Variants in CREB5 observed in about 807,000 individuals in gnomAD.
The protein encoded by CREB5 is cAMP responsive element binding protein 5, also known as cyclic AMP-responsive element-binding protein 5.
In CREB5, 19 loss-of-function variants were observed where a neutral mutation model predicts 57.1. That is an observed-to-expected ratio of 0.33 (90% confidence interval 0.23 to 0.49). CREB5 has a LOEUF of 0.49. Among genes scored for constraint, CREB5 ranks in the 20% least tolerant of loss-of-function variants. The pLI is 0.99. For missense variants in CREB5, 579 were observed against 671.6 expected, an observed-to-expected ratio of 0.86 and a Z score of 1.52; for synonymous variants, 238 against 238.3, an observed-to-expected ratio of 1.00 and a Z score of 0.01.
intron 3 of CREB5, among the ~76,000 whole-genome samples, chr7:28,498,253 CA>C (rs1444384019): frequency 2.2e-4 from 34 of 151,986 alleles, no homozygotes; most frequent in African/African-American, 7.2e-4. Context: ...ATCAAAATAT[CA>C]GGGTAAAAAT....
chr7:28,548,303 T>G (rs1313503962), intron 4 of CREB5, among the ~76,000 whole-genome samples: 1 of 152,188 alleles, frequency 6.6e-6, no homozygotes, highest in Non-Finnish European at 1.5e-5. Context: ...AAATGCATGA[T>G]GTCCCAGTAG....
intron 4 of CREB5, among the ~76,000 whole-genome samples, chr7:28,547,385 C>T (rs140520295): frequency 4.6e-5 from 7 of 152,196 alleles, no homozygotes; most frequent in East Asian, 1.9e-4. Context: ...CATCTCTTCA[C>T]GGATACAAAA....
Position 28,514,422 on chromosome 7 carries a change from G to A in CREB5, c.291+6685G>A, listed in dbSNP as rs546233029. Among the ~76,000 whole-genome samples, 40 of 152,122 alleles carry A rather than the reference G, an allele frequency of 2.6e-4. No homozygotes were observed. In the South Asian group the frequency reaches 8.1e-3, roughly 31 times the overall value. On this transcript the variant is annotated intron_variant, in intron 4 of 10. Transcript: ENST00000357727. ...TTATTTTTTATTTTTTGGAGATAGA[G>A]TCTTACTCTGTGGCCCAGGCTGGAG...
intron 5 of CREB5, among the ~76,000 whole-genome samples, chr7:28,636,357 C>G (rs939267755): frequency 6.6e-6 from 1 of 152,114 alleles, no homozygotes; most frequent in African/African-American, 2.4e-5. Context: ...TATCATCACA[C>G]ATGAAAAGAT....
At chr7:28,610,997 T>C (rs528647266) in intron 5 of CREB5, among the ~76,000 whole-genome samples, 4 of 150,680 alleles carry the variant, frequency 2.7e-5, no homozygotes, top group Non-Finnish European at 4.4e-5. Context: ...AGTCCCCAGC[T>C]TTTCCCTATT....
intron 5 of CREB5, among the ~76,000 whole-genome samples, chr7:28,664,170 AT>A (rs1730515006): frequency 2.6e-5 from 4 of 152,142 alleles, no homozygotes; most frequent in Non-Finnish European, 5.9e-5. Flanking sequence ...GGCTTCTAAC[AT>A]CTCTCTTTCT....
intron 1 of CREB5, among the ~76,000 whole-genome samples, chr7:28,354,561 C>G (rs75174753): frequency 0.25 from 37,309 of 151,984 alleles, 4,726 homozygotes; most frequent in African/African-American, 0.26. Context: ...ATATGTATCT[C>G]TCTATACTAT....
chr7:28,561,912 T>C (rs911249584), intron 4 of CREB5, among the ~76,000 whole-genome samples: 2 of 152,162 alleles, frequency 1.3e-5, no homozygotes, highest in Non-Finnish European at 2.9e-5. Flanking sequence ...GCCCAGCTAA[T>C]TTTTGTATTT....
At position 28,560,963 on chromosome 7, in the gene CREB5, T is replaced by TGCGTGC. The variant is rs1194418363; in HGVS notation, c.292-9401_292-9400insCGTGCG. ...GTGCGTGTGTGTGCGTGTGTGTGCG[T>TGCGTGC]GTGTGTGTGCGTGTGTGCGTGCGTG... On this transcript the variant is annotated intron_variant, in intron 4 of 10. Transcript: ENST00000357727. Among the ~76,000 whole-genome samples the TGCGTGC allele has an allele frequency of 2.3e-3, 112 of 48,140 alleles. 4 individuals carry two copies. The highest frequency in any genetic ancestry group is 8.8e-3 in the African/African-American group (101 of 11,480). The allele number at this position is 48,140 out of a possible 152,430, so 31.6% of individuals were successfully genotyped here.
At chr7:28,682,806 T>A (rs1252509261) in intron 5 of CREB5, among the ~76,000 whole-genome samples, 1 of 152,210 alleles carries the variant, frequency 6.6e-6, no homozygotes, top group African/African-American at 2.4e-5. Flanking sequence ...TCTACTCTAG[T>A]TGGCTGTTGA....
intron 4 of CREB5, among the ~76,000 whole-genome samples, chr7:28,527,127 G>A (rs1793483309): frequency 6.6e-6 from 1 of 152,194 alleles, no homozygotes; most frequent in Non-Finnish European, 1.5e-5. Context: ...TAGTTGCAGT[G>A]AGCCATGCCT....
intron 7 of CREB5, among the ~76,000 whole-genome samples, chr7:28,758,643 T>C (rs1461033351): frequency 6.6e-6 from 1 of 152,210 alleles, no homozygotes; most frequent in Admixed American, 6.5e-5. Flanking sequence ...AAAGATTGAT[T>C]AAACATGTTT....
In CREB5 at chr7:28,683,277, C is replaced by T. The variant is rs141342602; in HGVS notation, c.465-35476C>T. ...ACAGGATCTTGTCTCTCTTTAGCTG[C>T]TCACAGGAAGGAAAATGGGAAAGTA... is the stretch of plus-strand genomic sequence containing the variant. On this transcript the variant is annotated intron_variant, in intron 5 of 10. Coordinates refer to ENST00000357727, the MANE Select transcript of CREB5 (RefSeq NM_182898.4). Among the ~76,000 whole-genome samples, 125 of 152,176 alleles carry T rather than the reference C, an allele frequency of 8.2e-4. 1 individual carries two copies. Among genetic ancestry groups the T allele is most frequent in the African/African-American group, 2.8e-3 (115 of 41,500 alleles).
intron 5 of CREB5, among the ~76,000 whole-genome samples, chr7:28,638,248 T>G (rs942566134): frequency 7.6e-6 from 1 of 132,194 alleles, no homozygotes; most frequent in African/African-American, 2.9e-5. Context: ...AATTGCTATC[T>G]TAAAGAAAGA....
At chr7:28,629,855 T>C (rs1174138564) in intron 5 of CREB5, among the ~76,000 whole-genome samples, 1 of 152,234 alleles carries the variant, frequency 6.6e-6, no homozygotes, top group East Asian at 1.9e-4. Flanking sequence ...GTATTGATTA[T>C]GCTTCTGTAA....
Position 28,589,320 on chromosome 7 carries a change from C to T in CREB5, c.464+18783C>T, listed in dbSNP as rs143271731. The stretch of plus-strand genomic sequence containing the variant: ...ATGTAATCTCAGCACTTTGGGAGAC[C>T]GAGGTGGGTGGATCACAAGGTCAGG... On this transcript the variant is annotated intron_variant, in intron 5 of 10. Coordinates refer to ENST00000357727, the MANE Select transcript of CREB5 (RefSeq NM_182898.4). Among the ~76,000 whole-genome samples the T allele has an allele frequency of 1.8e-3, 273 of 152,058 alleles. 7 individuals carry two copies. The East Asian group carries it at 0.05, about 28-fold the overall frequency.
chr7:28,377,945 A>AG lies in CREB5; in HGVS notation c.-25+78504_-25+78505insG, dbSNP rs1562682442. On this transcript the variant is annotated intron_variant, in intron 1 of 9. Coordinates refer to the CREB5 transcript ENST00000396299. The stretch of plus-strand genomic sequence containing the variant: ...AGACTCTATCTCAAAAAAAAAAAAA[A>AG]CAAAAAAGAAAAAGAAAAAGAAAAA... Among the ~76,000 whole-genome samples, 4 of 144,488 alleles carry AG rather than the reference A, an allele frequency of 2.8e-5. 1 individual carries two copies. The highest frequency in any genetic ancestry group is 1.0e-4 in the African/African-American group (4 of 39,312). The allele number at this position is 144,488 out of a possible 152,430, so 94.8% of individuals were successfully genotyped here.
At chr7:28,643,304 G>A (rs1798754105) in intron 5 of CREB5, among the ~76,000 whole-genome samples, 1 of 152,164 alleles carries the variant, frequency 6.6e-6, no homozygotes, top group Admixed American at 6.5e-5. Flanking sequence ...TTCCAGCTAA[G>A]TTTAGGGCAT....
At chr7:28,686,041 G>T in intron 5 of CREB5, 1 of 1,290,278 alleles carries the variant, frequency 7.8e-7, no homozygotes, top group Admixed American at 1.9e-5. Context: ...CAAAAGAAGG[G>T]CCAGCACATT....
Sources: gnomAD v4.1 joint callset for allele counts (sites outside exome capture counted in the v4.1 genomes callset) on GRCh38, gnomAD v4.1.1 for gene constraint, MANE v1.5 for transcripts, NCBI Gene and HGNC (gene_info 2026-07-23, HGNC 2026-07-21) for gene names.